The following TMX3 variants were observed in gnomAD, a reference collection of about 807,000 sequenced individuals.
The protein encoded by TMX3 is protein disulfide-isomerase TMX3.
A neutral mutation model predicts 64.4 loss-of-function variants in TMX3; 40 were observed. The ratio of observed to expected loss-of-function variants is 0.62; its 90% CI spans 0.48 to 0.81. TMX3 has a LOEUF of 0.81. Among genes scored for constraint, TMX3 ranks in the 30% least tolerant of loss-of-function variants. The pLI, the probability that TMX3 is intolerant of heterozygous loss-of-function variation, is 0.00. For synonymous variants in TMX3, 189 were observed against 175.7 expected (o/e 1.08, Z -0.60); for missense variants, 497 against 534.5 (o/e 0.93, Z 0.69).
intron 13 of TMX3, 119 bp downstream of exon 13, chr18:68,682,806 G>T: frequency 1.4e-6 from 1 of 711,422 alleles, no homozygotes; most frequent in Non-Finnish European, 2.2e-6. Context: ...GAGAATATCT[G>T]CATCTGAATA....
Position 68,697,252 on chromosome 18 carries a change from A to T in TMX3, c.544T>A (p.Ser182Thr). The change falls in exon 8 of 16, where the codon TCT becomes ACT. Residue 182 changes from serine (S) to threonine (T), a missense_variant. Physicochemically the swap from Ser to Thr is moderately conservative, Grantham distance 58. This residue lies in a region of TMX3 where 360 missense variants were observed against 383.5 expected (regional missense o/e 0.94). Coordinates refer to ENST00000299608, the MANE Select transcript of TMX3 (RefSeq NM_019022.5). ...TCAGGAACCACTTCTTCTGAGGCAG[A>T]AAAGAAGTATGTATATACAATCAAT... is the stretch of plus-strand genomic sequence containing the variant. ...SELIVYTYFF[S>T]ASEEVVPEYV... is the part of the protein sequence containing the mutation. 1 of 1,583,100 alleles carries T rather than the reference A, an allele frequency of 6.3e-7. No homozygotes were observed. Among genetic ancestry groups the T allele is most frequent in the African/African-American group, 1.3e-5 (1 of 74,284 alleles).
intron 15 of TMX3, among the ~76,000 whole-genome samples, chr18:68,678,298 C>T (rs1311937358): frequency 6.6e-6 from 1 of 152,052 alleles, no homozygotes; most frequent in African/African-American, 2.4e-5. Flanking sequence ...AATGAAAATG[C>T]CCATGTAAGA....
At chr18:68,686,128 C>T (rs185433341) in intron 10 of TMX3, among the ~76,000 whole-genome samples, 82 of 152,184 alleles carry the variant, frequency 5.4e-4, no homozygotes, top group African/African-American at 1.7e-3. Context: ...TGTCTGAAGC[C>T]GCACAGCGTC....
In TMX3 at chr18:68,690,868, G is replaced by A. The variant is rs145035328; in HGVS notation, c.637+427C>T. ...GTCAATGAAGAAATGCTGAATAGCA[G>A]GTAAGCAGTCATTTCTAACAGCTAA... On this transcript the variant is annotated intron_variant, in intron 9 of 15. Coordinates refer to ENST00000299608, the MANE Select transcript of TMX3 (RefSeq NM_019022.5). 146 of 164,664 alleles carry A rather than the reference G, an allele frequency of 8.9e-4. 1 individual carries two copies. In the East Asian group the frequency reaches 0.016, roughly 18 times the overall value. The allele number at this position is 164,664 out of a possible 1,614,324, so 10.2% of individuals were successfully genotyped here. A position where few individuals can be genotyped will look rare whatever the true frequency, so the allele number is the denominator to read the frequency against.
chr18:68,685,554 T>A (rs1913863054), intron 10 of TMX3, among the ~76,000 whole-genome samples: 1 of 152,192 alleles, frequency 6.6e-6, no homozygotes, highest in African/African-American at 2.4e-5. Context: ...TGCAGAGCAT[T>A]CTCCCATAGA....
At chr18:68,683,198 G>A (rs372266527) in intron 12 of TMX3, among the ~76,000 whole-genome samples, 8 of 151,994 alleles carry the variant, frequency 5.3e-5, no homozygotes, top group South Asian at 2.1e-4. Flanking sequence ...ACAAATACAC[G>A]AGTAGAGGAA....
At chr18:68,713,825 A>C (rs1248990406) in intron 2 of TMX3, 21 bp downstream of exon 2, 5 of 1,216,424 alleles carry the variant, frequency 4.1e-6, no homozygotes, top group Admixed American at 5.3e-5. Context: ...TAATATTTTA[A>C]ATATATATAT....
Position 68,697,958 on chromosome 18 carries a change from A to G in TMX3, c.466T>C (p.Tyr156His). 6.2e-7 allele frequency: 1 copy of G among 1,612,134 alleles called. No homozygotes were observed. The highest frequency in any genetic ancestry group is 1.3e-5 in the African/African-American group (1 of 75,036). ...MQKRHRVFFV[Y>H]VGGESPLKEK... ...TTCAAAGGTGATTCTCCACCTACATAAACGAAAAATACACGGTGTCTCTTC... is the reference window on the plus strand; with the variant it reads ...TTCAAAGGTGATTCTCCACCTACATGAACGAAAAATACACGGTGTCTCTTC... The change falls in exon 7 of 16, where the codon TAT (tyrosine) becomes CAT (histidine). Residue 156 changes from tyrosine to histidine, a missense_variant. By Grantham distance (83) the Tyr-to-His change is moderately conservative (BLOSUM62 2). Transcript: ENST00000299608.
At chr18:68,679,221 C>A (rs1913192690) in intron 15 of TMX3, among the ~76,000 whole-genome samples, 1 of 152,044 alleles carries the variant, frequency 6.6e-6, no homozygotes, top group Non-Finnish European at 1.5e-5. Flanking sequence ...GAAATAAAAT[C>A]TTTTAAATTA....
intron 8 of TMX3, among the ~76,000 whole-genome samples, chr18:68,696,323 G>A (rs1208254678): frequency 2.0e-5 from 3 of 151,932 alleles, no homozygotes; most frequent in Admixed American, 6.6e-5. Context: ...ACAGGCGTGC[G>A]CCACCACACC....
At chr18:68,704,935 T>C (rs2030515286) in intron 4 of TMX3, among the ~76,000 whole-genome samples, 1 of 152,190 alleles carries the variant, frequency 6.6e-6, no homozygotes, top group Non-Finnish European at 1.5e-5. Flanking sequence ...ATTTCATCTA[T>C]AAAATGGGAA....
chr18:68,699,532 C>T (rs1915466573), intron 6 of TMX3, among the ~76,000 whole-genome samples: 1 of 152,148 alleles, frequency 6.6e-6, no homozygotes, highest in Non-Finnish European at 1.5e-5. Flanking sequence ...TCTGAATTGT[C>T]TCAAATAATT....
intron 10 of TMX3, chr18:68,686,578 G>T: frequency 4.5e-6 from 1 of 223,934 alleles, no homozygotes; most frequent in Non-Finnish European, 7.5e-6. Context: ...ATGTGGTGGC[G>T]CATGCTGATT....
At chr18:68,705,317 C>A (rs768563331) in intron 4 of TMX3, among the ~76,000 whole-genome samples, 1 of 152,042 alleles carries the variant, frequency 6.6e-6, no homozygotes, top group Non-Finnish European at 1.5e-5. Context: ...TTCCTCTGCA[C>A]CAAAAACAAA....
At chr18:68,687,622 G>GA in intron 10 of TMX3, 45 bp downstream of exon 10, 1 of 1,550,966 alleles carries the variant, frequency 6.4e-7, no homozygotes, top group Non-Finnish European at 8.7e-7. Context: ...AATAATCAAA[G>GA]AAAAATCATG....
At chr18:68,683,404 C>T (rs1365525722) in intron 12 of TMX3, among the ~76,000 whole-genome samples, 1 of 152,002 alleles carries the variant, frequency 6.6e-6, no homozygotes, top group Non-Finnish European at 1.5e-5. Context: ...AATAATAATT[C>T]ACTAATAAAA....
rs1157053922 is a variant in TMX3 at position 68,687,666 on chromosome 18, C to A, written c.736+1G>T. 1 of 1,605,024 alleles carries A rather than the reference C, an allele frequency of 6.2e-7. No individual in the cohort carries two copies. Among genetic ancestry groups the A allele is most frequent in the East Asian group, 2.2e-5 (1 of 44,472 alleles). On this transcript the variant is annotated splice_donor_variant, in intron 10 of 15. Transcript: ENST00000299608. LOFTEE classifies it high-confidence loss of function. ...TGGAGACTTGTACATATGCTTGTTA[C>A]CTGTGTCTCCAAGTTCATACAAGAG...
intron 8 of TMX3, among the ~76,000 whole-genome samples, chr18:68,692,222 T>G (rs1300425097): frequency 6.6e-6 from 1 of 152,200 alleles, no homozygotes; most frequent in Non-Finnish European, 1.5e-5. Flanking sequence ...CACCTGCTCT[T>G]GGCAACTCAT....
chr18:68,686,942 A>G (rs1437601071), intron 10 of TMX3: 1 of 983,892 alleles, frequency 1.0e-6, no homozygotes, highest in Non-Finnish European at 1.2e-6. Flanking sequence ...AGAGTAGGCA[A>G]TCATGAAGAG....
Sources: allele counts gnomAD v4.1 joint callset (sites outside exome capture counted in the v4.1 genomes callset), GRCh38; gene constraint gnomAD v4.1.1; regional missense constraint gnomAD v4.1.1; transcripts MANE v1.5; gene names NCBI Gene and HGNC (gene_info 2026-07-23, HGNC 2026-07-21).